Variants in OSBPL10 observed in about 807,000 individuals in gnomAD.
OSBPL10 encodes oxysterol-binding protein-related protein 10.
A neutral mutation model predicts 81.7 loss-of-function variants in OSBPL10; 49 were observed. That is an observed-to-expected ratio of 0.60 (90% CI 0.48 to 0.76). OSBPL10 has a LOEUF of 0.76. Among genes scored for constraint, OSBPL10 ranks in the 30% least tolerant of loss-of-function variants. OSBPL10 has a pLI of 0.00. For synonymous variants in OSBPL10, 419 were observed against 383.6 expected, an observed-to-expected ratio of 1.09 and a Z score of -1.08; for missense variants, 923 against 987.8, an observed-to-expected ratio of 0.93 and a Z score of 0.88.
At chr3:31,833,913 T>G (rs1700311892) in intron 3 of OSBPL10, among the ~76,000 whole-genome samples, 1 of 152,174 alleles carries the variant, frequency 6.6e-6, no homozygotes. Flanking sequence ...TGATCGTAAT[T>G]ACTTAATGGC....
At chr3:32,017,777 T>C (rs151171727) in intron 2 of OSBPL10, among the ~76,000 whole-genome samples, 13 of 152,366 alleles carry the variant, frequency 8.5e-5, no homozygotes, top group Non-Finnish European at 1.0e-4. Flanking sequence ...AGGTCACTTT[T>C]AATTCTTTTG....
rs60775888 is a variant in OSBPL10, at chr3:31,777,800, T to C, written c.730-29680A>G. On this transcript the variant is annotated intron_variant, in intron 4 of 11. Coordinates refer to ENST00000396556, the MANE Select transcript of OSBPL10 (RefSeq NM_017784.5). Reference sequence around the variant, plus strand: ...GATTTAACCTTACCTAGAGCTGAAATGGATTTAGCATGAAATATAAAATTA... The same window carrying C: ...GATTTAACCTTACCTAGAGCTGAAACGGATTTAGCATGAAATATAAAATTA... 3.5e-3 allele frequency among the ~76,000 whole-genome samples: 539 copies of C among 152,186 alleles called. 4 individuals carry two copies. Among genetic ancestry groups the C allele is most frequent in the African/African-American group, 0.013 (519 of 41,498 alleles).
chr3:31,928,762 C>CAAAAAAA (rs58345341), intron 1 of OSBPL10, among the ~76,000 whole-genome samples: 4 of 95,104 alleles, frequency 4.2e-5, no homozygotes, highest in South Asian at 3.0e-4. Context: ...GACTTGTCTC[C>CAAAAAAA]AAAAAAAAAA....
At chr3:31,966,409 A>T (rs916329634) in intron 1 of OSBPL10, among the ~76,000 whole-genome samples, 2 of 151,828 alleles carry the variant, frequency 1.3e-5, no homozygotes, top group Admixed American at 1.3e-4. Context: ...CTAAAAAACT[A>T]TATATAAAGT....
chr3:32,028,928 ACACACACAC>A lies in OSBPL10; in HGVS notation n.298+17554_298+17562del, dbSNP rs1559551938. Among the ~76,000 whole-genome samples, 790 of 97,706 alleles carry A rather than the reference ACACACACAC, an allele frequency of 8.1e-3. 5 individuals are homozygous for A. The highest frequency in any genetic ancestry group is 0.013 in the East Asian group (52 of 4,008). 64.1% of individuals were successfully genotyped at this position (97,706 alleles called of 152,430 possible). On this transcript the variant is annotated intron_variant and non_coding_transcript_variant, in intron 2 of 3. Transcript: ENST00000479173. Reference sequence around the variant, plus strand: ...TTGTTACAGTAGGTAGCTAGTCAGGACACACACACACACACACACACACACACACACACA... The same window carrying A: ...TTGTTACAGTAGGTAGCTAGTCAGGAACACACACACACACACACACACACA...
intron 1 of OSBPL10, among the ~76,000 whole-genome samples, chr3:31,967,236 TTTTG>T (rs2125482093): frequency 6.6e-6 from 1 of 152,216 alleles, no homozygotes; most frequent in African/African-American, 2.4e-5. Context: ...ACTCCAGGTT[TTTTG>T]TTTGATTGTT....
At chr3:31,737,863 G>A (rs1009878406) in intron 5 of OSBPL10, among the ~76,000 whole-genome samples, 4 of 151,968 alleles carry the variant, frequency 2.6e-5, no homozygotes, top group Admixed American at 2.0e-4. Context: ...ATGGTGGCAC[G>A]CACCTGTAAT....
chr3:32,054,371 T>C (rs1260627099), intron 1 of OSBPL10, among the ~76,000 whole-genome samples: 1 of 152,062 alleles, frequency 6.6e-6, no homozygotes, highest in Non-Finnish European at 1.5e-5. Context: ...TGACTTTCTT[T>C]GGGTTGTATT....
At chr3:31,790,073 G>A (rs1698973248) in intron 4 of OSBPL10, among the ~76,000 whole-genome samples, 1 of 151,766 alleles carries the variant, frequency 6.6e-6, no homozygotes, top group Non-Finnish European at 1.5e-5. Flanking sequence ...TTAGCTAACT[G>A]GAAGTCAGTG....
chr3:31,948,307 A>T (rs779144847), intron 1 of OSBPL10, among the ~76,000 whole-genome samples: 25 of 152,248 alleles, frequency 1.6e-4, no homozygotes, highest in South Asian at 6.2e-4. Flanking sequence ...TCATCTTTCC[A>T]TCTCTCTGGA....
At chr3:32,047,830 T>A (rs1395512517) in intron 1 of OSBPL10, among the ~76,000 whole-genome samples, 1 of 152,036 alleles carries the variant, frequency 6.6e-6, no homozygotes, top group African/African-American at 2.4e-5. Context: ...GCCTGGCTAA[T>A]TTTTTGTATT....
At chr3:31,945,496 G>A (rs1334815241) in intron 1 of OSBPL10, among the ~76,000 whole-genome samples, 2 of 152,206 alleles carry the variant, frequency 1.3e-5, no homozygotes, top group Non-Finnish European at 2.9e-5. Flanking sequence ...TTTAAAAATT[G>A]TTTTGAATCA....
At chr3:31,817,935 T>C (rs1399350292) in intron 4 of OSBPL10, among the ~76,000 whole-genome samples, 1 of 152,062 alleles carries the variant, frequency 6.6e-6, no homozygotes, top group African/African-American at 2.4e-5. Context: ...CAAAACCATG[T>C]CTCTACAAAA....
chr3:32,012,601 T>G (rs1699272454), intron 2 of OSBPL10, among the ~76,000 whole-genome samples: 1 of 152,298 alleles, frequency 6.6e-6, no homozygotes, highest in Admixed American at 6.5e-5. Context: ...AATGTTAACC[T>G]TAAATGTAAA....
intron 3 of OSBPL10, among the ~76,000 whole-genome samples, chr3:31,834,375 G>A (rs1700320379): frequency 6.6e-6 from 1 of 152,136 alleles, no homozygotes; most frequent in Admixed American, 6.5e-5. Context: ...TAGGAGAATC[G>A]TCCCTCACAC....
At chr3:31,705,356 T>C (rs946886180) in intron 6 of OSBPL10, among the ~76,000 whole-genome samples, 1 of 138,600 alleles carries the variant, frequency 7.2e-6, no homozygotes, top group Non-Finnish European at 1.6e-5. Context: ...GCTCAGTCCA[T>C]CTGCACAAAG....
intron 3 of OSBPL10, among the ~76,000 whole-genome samples, chr3:31,838,138 A>G (rs779008628): frequency 9.2e-5 from 14 of 152,214 alleles, no homozygotes; most frequent in Non-Finnish European, 1.5e-4. Context: ...ACCACAATGG[A>G]AATACGCACA....
rs147593317 is a variant in OSBPL10, at chr3:31,802,654, G to A, written c.729+27386C>T. On this transcript the variant is annotated intron_variant, in intron 4 of 11. Coordinates refer to ENST00000396556, the MANE Select transcript of OSBPL10 (RefSeq NM_017784.5). ...AATTCCCCTTCTTTTCAACAATTCC[G>A]GCCTGCCTCCAGCTCTTAGTAGGGC... 2.5e-3 allele frequency among the ~76,000 whole-genome samples: 373 copies of A among 151,490 alleles called. 1 individual carries two copies. Among genetic ancestry groups the A allele is most frequent in the African/African-American group, 8.3e-3 (342 of 41,254 alleles).
intron 2 of OSBPL10, among the ~76,000 whole-genome samples, chr3:32,022,903 T>C (rs1699373001): frequency 6.6e-6 from 1 of 152,198 alleles, no homozygotes; most frequent in African/African-American, 2.4e-5. Context: ...GGAAGACATC[T>C]AAAACAAATA....
Sources: gnomAD v4.1 joint callset for allele counts (sites outside exome capture counted in the v4.1 genomes callset) on GRCh38, gnomAD v4.1.1 for gene constraint, MANE v1.5 for transcripts, NCBI Gene and HGNC (gene_info 2026-07-23, HGNC 2026-07-21) for gene names.